PCDHGB4: variants seen among roughly 807,000 people sequenced by gnomAD.
PCDHGB4 encodes the protein protocadherin gamma subfamily B, 4.
Under a neutral mutation model 60.5 loss-of-function variants are expected in PCDHGB4, and 38 were observed. That is an observed-to-expected ratio of 0.63 (90% CI 0.48 to 0.82). PCDHGB4 has a LOEUF of 0.82. Ranked by LOEUF, PCDHGB4 falls within the 40% of genes least tolerant of loss-of-function variation. The pLI, the probability that PCDHGB4 is intolerant of heterozygous loss-of-function variation, is 0.00. For missense variants in PCDHGB4, 1,109 were observed against 1,209.6 expected (o/e 0.92, Z 1.23); for synonymous variants, 456 against 509.7 (o/e 0.89, Z 1.42).
intron 1 of PCDHGB4, chr5:141,422,834 G>A (rs1450583869): frequency 3.1e-6 from 5 of 1,614,230 alleles, no homozygotes; most frequent in East Asian, 2.2e-5. Context: ...GTGATAGCAC[G>A]TGACAGCGGG....
rs779250544 is a variant in PCDHGB4, at chr5:141,432,639, G to A, written c.2397+42358G>A. The A allele has an allele frequency of 1.2e-6, 2 of 1,613,816 alleles. No homozygotes were observed. Among genetic ancestry groups the A allele is most frequent in the Non-Finnish European group, 1.7e-6 (2 of 1,179,934 alleles). On this transcript the variant is annotated intron_variant, in intron 1 of 3. Coordinates refer to ENST00000519479, the MANE Select transcript of PCDHGB4 (RefSeq NM_003736.4). This position sits in a 1 kb window ranked among gnomAD's most constrained non-coding sequence, Gnocchi z 6.0. Reference sequence around the variant, plus strand: ...GTGGGTCTGCACACGGGCGAGGTGCGCACGGCGCGAGCCCTGCTGGACAGA... The same window carrying A: ...GTGGGTCTGCACACGGGCGAGGTGCACACGGCGCGAGCCCTGCTGGACAGA...
intron 1 of PCDHGB4, chr5:141,394,966 G>C (rs758463890): frequency 1.9e-6 from 3 of 1,613,768 alleles, no homozygotes; most frequent in Admixed American, 3.3e-5. Context: ...AGGCTGAGGC[G>C]CTGGCACAAG....
chr5:141,483,903 G>C (rs1167942546), intron 1 of PCDHGB4, among the ~76,000 whole-genome samples: 1 of 151,282 alleles, frequency 6.6e-6, no homozygotes, highest in Admixed American at 6.6e-5. Context: ...GCTCTGGTGT[G>C]TTTCCCACTC....
chr5:141,478,692 A>C (rs1459911657), intron 1 of PCDHGB4: 2 of 1,550,666 alleles, frequency 1.3e-6, no homozygotes, highest in African/African-American at 2.7e-5. Context: ...CCTAGATCAA[A>C]GTTAGTGCCT....
chr5:141,507,522 C>G (rs560304194), intron 3 of PCDHGB4, among the ~76,000 whole-genome samples: 365 of 152,096 alleles, frequency 2.4e-3, no homozygotes, highest in African/African-American at 8.1e-3. Context: ...GCTATGATTC[C>G]AGAGAGGCCA....
intron 1 of PCDHGB4, among the ~76,000 whole-genome samples, chr5:141,467,087 C>T (rs1159093881): frequency 3.4e-5 from 5 of 147,240 alleles, no homozygotes; most frequent in African/African-American, 1.3e-4. Context: ...AAGTCTCACT[C>T]TGTCACACAG....
intron 1 of PCDHGB4, chr5:141,418,230 A>T (rs745395585): frequency 6.2e-7 from 1 of 1,614,058 alleles, no homozygotes; most frequent in Non-Finnish European, 8.5e-7. Context: ...GTGGTGATTG[A>T]GGATGTTAAT....
intron 1 of PCDHGB4, chr5:141,399,217 TTGATCAAAATACA>T (rs2093771382): frequency 6.2e-7 from 1 of 1,613,854 alleles, no homozygotes; most frequent in African/African-American, 1.3e-5. Context: ...ACTAATTGCT[TTGATCAAAATACA>T]TGACCAAGAT....
intron 1 of PCDHGB4, among the ~76,000 whole-genome samples, chr5:141,461,148 A>G (rs1293565790): frequency 1.3e-5 from 2 of 152,090 alleles, no homozygotes; most frequent in Non-Finnish European, 2.9e-5. Context: ...CTTTGGGTAG[A>G]TACCCAATAG....
At chr5:141,503,005 G>A (rs915064303) in intron 2 of PCDHGB4, among the ~76,000 whole-genome samples, 16 of 145,340 alleles carry the variant, frequency 1.1e-4, no homozygotes, top group African/African-American at 2.3e-4. Flanking sequence ...CACCATGCCC[G>A]GTTAATTTTT....
intron 1 of PCDHGB4, among the ~76,000 whole-genome samples, chr5:141,444,482 T>G (rs1346576719): frequency 6.6e-6 from 1 of 152,000 alleles, no homozygotes; most frequent in Non-Finnish European, 1.5e-5. Context: ...CGTACTGGAT[T>G]TATATTGTGT....
Position 141,486,278 on chromosome 5 carries a change from G to C in PCDHGB4, c.2398-8529G>C, listed in dbSNP as rs774763063. On this transcript the variant is annotated intron_variant, in intron 1 of 3. Coordinates refer to ENST00000519479, the MANE Select transcript of PCDHGB4 (RefSeq NM_003736.4). The surrounding 1 kb of genome is among the most constrained non-coding windows in gnomAD (Gnocchi z 5.0). ...CGAGAGTGCAGAACCTGGCACTGTG[G>C]TGGCACTTATCAGTGTGCAGGATCC... is the stretch of plus-strand genomic sequence containing the variant. 4 of 1,613,970 alleles carry C rather than the reference G, an allele frequency of 2.5e-6. No individual in the cohort carries two copies. In the South Asian group the frequency reaches 4.4e-5, roughly 18 times the overall value.
At chr5:141,438,591 CATATATATATATATATATATAT>C (rs946798767) in intron 1 of PCDHGB4, among the ~76,000 whole-genome samples, 1 of 75,562 alleles carries the variant, frequency 1.3e-5, no homozygotes, top group Middle Eastern at 7.4e-3. Context: ...TACATACATA[CATATATATATATATATATATAT>C]ATATATATAT....
chr5:141,392,762 G>A lies in PCDHGB4; in HGVS notation c.2397+2481G>A, dbSNP rs1033759244. 8.8e-6 allele frequency: 13 copies of A among 1,478,030 alleles called. No individual in the cohort carries two copies. The African/African-American group carries it at 1.3e-4, about 14-fold the overall frequency. The allele number at this position is 1,478,030 out of a possible 1,614,324, so 91.6% of individuals were successfully genotyped here. ...ATAGCTGCGGCAAGAAACTAAATAA[G>A]ACCCATTTATGCACAGTGAAGATTC... On this transcript the variant is annotated intron_variant, in intron 1 of 3. Coordinates refer to ENST00000519479, the MANE Select transcript of PCDHGB4 (RefSeq NM_003736.4).
chr5:141,511,031 A>G lies in PCDHGB4; in HGVS notation c.2630A>G (p.Gln877Arg). 6.2e-7 allele frequency: 1 copy of G among 1,614,244 alleles called. No individual in the cohort carries two copies. The highest frequency in any genetic ancestry group is 8.5e-7 in the Non-Finnish European group (1 of 1,180,034). ...SARYGPQFTL[Q>R]HVPDYRQNVY... Reference sequence around the variant, plus strand: ...CGCTACGGACCCCAGTTCACCCTGCAGCACGTGCCCGACTACCGCCAGAAT... The same window carrying G: ...CGCTACGGACCCCAGTTCACCCTGCGGCACGTGCCCGACTACCGCCAGAAT... The change falls in exon 4 of 4, where the codon CAG (glutamine) becomes CGG (arginine). Residue 877 changes from glutamine to arginine, a missense_variant. Gln to Arg is a conservative substitution (Grantham distance 43). Coordinates refer to ENST00000519479, the MANE Select transcript of PCDHGB4 (RefSeq NM_003736.4).
intron 1 of PCDHGB4, among the ~76,000 whole-genome samples, chr5:141,454,343 A>G (rs1161350416): frequency 2.6e-5 from 4 of 152,248 alleles, no homozygotes; most frequent in African/African-American, 7.2e-5. Flanking sequence ...AAATGTTGGA[A>G]GTTGATCCAA....
chr5:141,418,980 A>T, intron 1 of PCDHGB4: 1 of 1,614,004 alleles, frequency 6.2e-7, no homozygotes. Flanking sequence ...ACACGGGACC[A>T]AGACTCAGGG....
chr5:141,421,885 G>A (rs2096608692), intron 1 of PCDHGB4: 1 of 1,613,574 alleles, frequency 6.2e-7, no homozygotes, highest in African/African-American at 1.3e-5. Context: ...AGATGGAGGC[G>A]ATCCCATCCG....
At chr5:141,404,315 G>T (rs775576610) in intron 1 of PCDHGB4, 2 of 1,613,886 alleles carry the variant, frequency 1.2e-6, no homozygotes, top group African/African-American at 2.7e-5. Context: ...TTTCTCTCAA[G>T]CCTCCTACTC....
Sources: gnomAD v4.1 joint callset for allele counts (sites outside exome capture counted in the v4.1 genomes callset) on GRCh38, gnomAD v4.1.1 for gene constraint, Gnocchi (gnomAD v3.1) non-coding constraint, MANE v1.5 for transcripts, NCBI Gene and HGNC (gene_info 2026-07-23, HGNC 2026-07-21) for gene names.